Variants in SETD1B observed in about 807,000 individuals in gnomAD.
SETD1B encodes the protein histone-lysine N-methyltransferase SETD1B.
SETD1B carries 7 observed loss-of-function variants against 148.0 expected under a neutral mutation model. The ratio of observed to expected loss-of-function variants is 0.05; its 90% CI spans 0.03 to 0.09. SETD1B has a LOEUF of 0.09. Ranked by LOEUF, SETD1B falls within the 10% of genes least tolerant of loss-of-function variation. SETD1B has a pLI of 1.00. For synonymous variants in SETD1B, 1,361 were observed against 1,186.5 expected, an observed-to-expected ratio of 1.15 and a Z score of -3.02; for missense variants, 2,155 against 2,729.9, an observed-to-expected ratio of 0.79 and a Z score of 4.69.
At position 121,817,168 on chromosome 12, in the gene SETD1B, A is replaced by G; in HGVS notation, c.2851A>G (p.Ile951Val). The change falls in exon 8 of 17, where the codon ATT becomes GTT. Residue 951 changes from isoleucine to valine, a missense_variant. This residue lies in a region of SETD1B where 289 missense variants were observed against 423.7 expected (regional missense o/e 0.68). Transcript: ENST00000604567. The surrounding 1 kb of genome is among the most constrained non-coding windows in gnomAD (Gnocchi z 8.1). ...GGGCTACGAGGGCCTGGGCCTGGGCATTGGGCTGCGTGGGGCCATTCGCCT... is the reference window on the plus strand; with the variant it reads ...GGGCTACGAGGGCCTGGGCCTGGGCGTTGGGCTGCGTGGGGCCATTCGCCT... ...GLGYEGLGLG[I>V]GLRGAIRLPS... 1 of 1,549,650 alleles carries G rather than the reference A, an allele frequency of 6.5e-7. No individual in the cohort carries two copies. Among genetic ancestry groups the G allele is most frequent in the South Asian group, 1.2e-5 (1 of 84,064 alleles).
In SETD1B at chr12:121,825,614, C is replaced by T. The variant is rs958283122; in HGVS notation, c.5337+248C>T. Among the ~76,000 whole-genome samples the T allele has an allele frequency of 5.3e-5, 8 of 152,028 alleles. No homozygotes were observed. In the South Asian group the frequency reaches 6.2e-4, roughly 12 times the overall value. On this transcript the variant is annotated intron_variant, in intron 13 of 16. Transcript: ENST00000604567. ...TAGGGATGTGACGGAGCTGTATTTC[C>T]GCAAGTTCATTCATTTTTTGTTTTT...
the SETD1B span, chr12:121,793,689 G>A: frequency 3.6e-5 from 51 of 1,430,036 alleles, no homozygotes; most frequent in Admixed American, 1.3e-3. Flanking sequence ...GAGCCAAGAG[G>A]TCGGGGGCGG....
the SETD1B span, chr12:121,793,729 G>A: frequency 3.4e-6 from 4 of 1,165,178 alleles, no homozygotes; most frequent in Non-Finnish European, 3.4e-6. Flanking sequence ...CCGCCCACTC[G>A]GAGCAGCGCC....
upstream of SETD1B, chr12:121,801,947 C>T (rs1458161094): frequency 2.0e-5 from 3 of 152,168 alleles, no homozygotes; most frequent in Admixed American, 1.3e-4. Flanking sequence ...TTTGCTGGAA[C>T]CAGCTAGGAC....
upstream of SETD1B, chr12:121,801,799 G>C (rs1875378758): frequency 6.6e-6 from 1 of 152,182 alleles, no homozygotes; most frequent in Non-Finnish European, 1.5e-5. Flanking sequence ...GCTGAGGACT[G>C]TTTACTGCTC....
upstream of SETD1B, chr12:121,803,608 A>C (rs900547375): frequency 6.7e-6 from 1 of 149,862 alleles, no homozygotes; most frequent in East Asian, 2.0e-4. The surrounding 1 kb of genome is among the most constrained non-coding windows in gnomAD (Gnocchi z 4.7). Flanking sequence ...GGCCCCCCAG[A>C]CCCCAGCCAT....
intron 16 of SETD1B, among the ~76,000 whole-genome samples, chr12:121,829,322 C>T (rs895054398): frequency 5.9e-5 from 9 of 152,128 alleles, no homozygotes; most frequent in African/African-American, 9.7e-5. Context: ...TGGCTGGTGG[C>T]CCCAGAAGTG....
In SETD1B at chr12:121,823,489, A is replaced by G; in HGVS notation, c.4910A>G (p.Lys1637Arg). The change falls in exon 12 of 17, where the codon AAG (lysine) becomes AGG (arginine). Residue 1637 changes from lysine to arginine, a missense_variant. Transcript: ENST00000604567. ...EVTEEYMELA[K>R]SRGPWRRPPK... The stretch of plus-strand genomic sequence containing the variant: ...ACTGAGGAATACATGGAGTTGGCCA[A>G]GAGCCGGGGGCCGTGGCGCCGGCCA... 1 of 1,550,628 alleles carries G rather than the reference A, an allele frequency of 6.4e-7. No individual in the cohort carries two copies. Among genetic ancestry groups the G allele is most frequent in the Non-Finnish European group, 8.7e-7 (1 of 1,146,884 alleles).
intron 12 of SETD1B, among the ~76,000 whole-genome samples, chr12:121,824,076 C>G (rs757540136): frequency 6.6e-5 from 10 of 152,224 alleles, no homozygotes; most frequent in Non-Finnish European, 1.3e-4. Flanking sequence ...CCCTTCATAA[C>G]CTCAGGTAAT....
chr12:121,814,056 C>A lies in SETD1B; in HGVS notation c.1891-50C>A, dbSNP rs1876161691. The stretch of plus-strand genomic sequence containing the variant: ...GTCTTGCAGAGGGGACTCCGAGAGC[C>A]CCTTGGCCTTCCAGACTCACCTCAC... On this transcript the variant is annotated intron_variant, in intron 6 of 16. Transcript: ENST00000604567. 3.4e-6 allele frequency: 5 copies of A among 1,460,588 alleles called. No individual in the cohort carries two copies. The East Asian group carries it at 1.3e-4, about 37-fold the overall frequency. 90.5% of individuals were successfully genotyped at this position (1,460,588 alleles called of 1,614,324 possible).
At chr12:121,799,962 G>A (rs893520393), upstream of SETD1B, 2 of 152,376 alleles carry the variant, frequency 1.3e-5, no homozygotes, top group Non-Finnish European at 2.9e-5. Flanking sequence ...AGAACCTGGA[G>A]GAGAGGAAGG....
chr12:121,822,012 G>A (rs969855596), intron 11 of SETD1B, among the ~76,000 whole-genome samples: 10 of 152,138 alleles, frequency 6.6e-5, no homozygotes, highest in African/African-American at 2.2e-4. Flanking sequence ...AGCCCTGGCG[G>A]TCTAGGCTGC....
upstream of SETD1B, chr12:121,801,559 C>T (rs974510987): frequency 2.6e-5 from 4 of 152,656 alleles, no homozygotes; most frequent in South Asian, 2.1e-4. Flanking sequence ...CACTTTTTAT[C>T]TTTCTTACTT....
chr12:121,815,161 G>A (rs77142553), intron 7 of SETD1B, among the ~76,000 whole-genome samples: 1,589 of 152,232 alleles, frequency 0.01, 26 homozygotes, highest in African/African-American at 0.036. Flanking sequence ...GCATGGTGGC[G>A]TACACCTTTA....
chr12:121,829,658 AC>A (rs1217185869), intron 16 of SETD1B, among the ~76,000 whole-genome samples: 4 of 152,230 alleles, frequency 2.6e-5, no homozygotes, highest in Non-Finnish European at 5.9e-5. Flanking sequence ...GGCTATTGTA[AC>A]AAAAGCAGCC....
chr12:121,830,474 G>C lies in SETD1B; in HGVS notation c.*235G>C. ...CCACGTCTCTCTCATTTTAACAAAC[G>C]CCCCTTTCAGGATTTCTGTTTAACT... On this transcript the variant is annotated 3_prime_UTR_variant, in exon 17 of 17. Coordinates refer to ENST00000604567, the MANE Select transcript of SETD1B (RefSeq NM_001353345.2). This position sits in a 1 kb window ranked among gnomAD's most constrained non-coding sequence, Gnocchi z 5.7. 2.3e-6 allele frequency: 1 copy of C among 436,526 alleles called. No individual in the cohort carries two copies. Among genetic ancestry groups the C allele is most frequent in the South Asian group, 4.1e-5 (1 of 24,352 alleles). The allele number at this position is 436,526 out of a possible 1,614,324, so 27.0% of individuals were successfully genotyped here.
chr12:121,821,746 C>T (rs191821444), intron 11 of SETD1B, among the ~76,000 whole-genome samples: 7 of 151,926 alleles, frequency 4.6e-5, no homozygotes, highest in African/African-American at 1.7e-4. Context: ...GTGAGACTGT[C>T]TCGAAAAAAT....
chr12:121,818,982 C>T (rs972093245), intron 10 of SETD1B, among the ~76,000 whole-genome samples: 5 of 152,084 alleles, frequency 3.3e-5, no homozygotes, highest in African/African-American at 1.2e-4. Context: ...TGGTGGCTCA[C>T]TCCTTTAATC....
Position 121,810,672 on chromosome 12 carries a change from C to T in SETD1B, c.1727C>T (p.Pro576Leu). The change falls in exon 6 of 17, where the codon CCC becomes CTC. Residue 576 changes from proline (P) to leucine (L), a missense_variant. Pro to Leu is a moderately conservative substitution (Grantham distance 98, BLOSUM62 -3). Transcript: ENST00000604567. The surrounding 1 kb of genome is among the most constrained non-coding windows in gnomAD (Gnocchi z 7.6). ...STGLEDISPT[P>L]LPDSDEDEEL... Reference sequence around the variant, plus strand: ...GGCCTGGAGGATATCAGCCCAACACCCCTCCCAGACTCCGACGAGGACGAG... The same window carrying T: ...GGCCTGGAGGATATCAGCCCAACACTCCTCCCAGACTCCGACGAGGACGAG... 1 of 1,550,198 alleles carries T rather than the reference C, an allele frequency of 6.5e-7. No homozygotes were observed. The highest frequency in any genetic ancestry group is 8.7e-7 in the Non-Finnish European group (1 of 1,146,876).
Sources: gnomAD v4.1 joint callset for allele counts (sites outside exome capture counted in the v4.1 genomes callset) on GRCh38, gnomAD v4.1.1 for gene constraint, gnomAD v4.1.1 regional missense constraint, Gnocchi (gnomAD v3.1) non-coding constraint, MANE v1.5 for transcripts, NCBI Gene and HGNC (gene_info 2026-07-23, HGNC 2026-07-21) for gene names.